The following LINGO2 variants were observed in gnomAD, a reference collection of about 807,000 sequenced individuals.
The protein encoded by LINGO2 is leucine rich repeat and Ig domain containing 2.
LINGO2 carries 14 observed loss-of-function variants against 30.6 expected under a neutral mutation model. The ratio of observed to expected loss-of-function variants is 0.46; its 90% CI spans 0.30 to 0.72. The LOEUF (loss-of-function observed/expected upper bound fraction) is 0.72. Ranked by LOEUF, LINGO2 falls within the 30% of genes least tolerant of loss-of-function variation. LINGO2 has a pLI of 0.07. For synonymous variants in LINGO2, 317 were observed against 288.5 expected (o/e 1.10, Z -1.00); for missense variants, 729 against 751.7 (o/e 0.97, Z 0.35).
At chr9:28,962,243 C>T in the LINGO2 span, among the ~76,000 whole-genome samples, 2 of 151,966 alleles carry the variant, frequency 1.3e-5, no homozygotes, top group Non-Finnish European at 2.9e-5. Context: ...TCAGTCAATC[C>T]TCATGATAAC....
At chr9:28,782,874 A>T in the LINGO2 span, among the ~76,000 whole-genome samples, 1 of 152,144 alleles carries the variant, frequency 6.6e-6, no homozygotes, top group South Asian at 2.1e-4. Context: ...ACTTACACAA[A>T]CCTAAGATGG....
rs1257504923 is a variant in LINGO2 at position 28,054,917 on chromosome 9, G to C, written c.-86-42512C>G. On this transcript the variant is annotated intron_variant, in intron 4 of 5. Transcript: ENST00000379992. ...CTACTTTCACATATTCCTGTTTTTT[G>C]TATGCCTCATACTACAAAGCTACAG... 3.3e-5 allele frequency among the ~76,000 whole-genome samples: 5 copies of C among 151,748 alleles called. 1 individual carries two copies. The highest frequency in any genetic ancestry group is 1.3e-4 in the Admixed American group (2 of 15,206).
intron 2 of LINGO2, among the ~76,000 whole-genome samples, chr9:28,435,500 T>A (rs1282591931): frequency 2.0e-5 from 3 of 152,188 alleles, no homozygotes; most frequent in African/African-American, 7.2e-5. Context: ...TCTAATGATC[T>A]CTGGACTGTG....
chr9:28,593,186 T>A (rs1165273066), intron 1 of LINGO2, among the ~76,000 whole-genome samples: 1 of 152,116 alleles, frequency 6.6e-6, no homozygotes, highest in Non-Finnish European at 1.5e-5. Context: ...TGCTCTTATA[T>A]TTCCTAGCAA....
At chr9:28,801,904 A>T in the LINGO2 span, among the ~76,000 whole-genome samples, 1 of 152,038 alleles carries the variant, frequency 6.6e-6, no homozygotes, top group Non-Finnish European at 1.5e-5. Context: ...TTTTATTTGT[A>T]AAAAATCTGG....
intron 1 of LINGO2, among the ~76,000 whole-genome samples, chr9:28,637,303 G>A (rs1020759631): frequency 7.9e-5 from 12 of 152,046 alleles, no homozygotes; most frequent in Non-Finnish European, 1.5e-4. Flanking sequence ...TTGGCGATGC[G>A]GGCTCTTTTT....
the LINGO2 span, among the ~76,000 whole-genome samples, chr9:29,000,448 T>C: frequency 1.5e-4 from 23 of 152,050 alleles, no homozygotes; most frequent in African/African-American, 4.8e-4. Flanking sequence ...ATATTTAAAA[T>C]ATCTTTTTGA....
At chr9:28,052,307 C>T (rs1367201338) in intron 4 of LINGO2, among the ~76,000 whole-genome samples, 1 of 152,076 alleles carries the variant, frequency 6.6e-6, no homozygotes, top group Non-Finnish European at 1.5e-5. Flanking sequence ...AGTGCTAACA[C>T]AGCAATTACA....
At chr9:28,848,363 T>TG in the LINGO2 span, among the ~76,000 whole-genome samples, 2 of 74,676 alleles carry the variant, frequency 2.7e-5, no homozygotes, top group Non-Finnish European at 5.1e-5. Context: ...TACACATATA[T>TG]TGTGTGTGTG....
At chr9:28,796,036 G>A in the LINGO2 span, among the ~76,000 whole-genome samples, 2 of 132,340 alleles carry the variant, frequency 1.5e-5, no homozygotes, top group Non-Finnish European at 1.6e-5. Flanking sequence ...AAAAAAACCT[G>A]TGTGGGAATA....
chr9:28,855,351 C>T, the LINGO2 span, among the ~76,000 whole-genome samples: 11 of 151,950 alleles, frequency 7.2e-5, no homozygotes, highest in Admixed American at 2.0e-4. Context: ...CTAGAACCTG[C>T]TGTAATGAAA....
intron 3 of LINGO2, among the ~76,000 whole-genome samples, chr9:28,355,486 A>T (rs1417812219): frequency 6.6e-6 from 1 of 151,008 alleles, no homozygotes; most frequent in Non-Finnish European, 1.5e-5. Context: ...GTATTCTGTA[A>T]CTAAATGTGT....
chr9:29,101,924 C>A, the LINGO2 span, among the ~76,000 whole-genome samples: 4 of 152,066 alleles, frequency 2.6e-5, no homozygotes, highest in Admixed American at 2.6e-4. Flanking sequence ...AGACCAGTAA[C>A]TTCCTGGATA....
At chr9:28,944,831 T>TA in the LINGO2 span, among the ~76,000 whole-genome samples, 2 of 152,074 alleles carry the variant, frequency 1.3e-5, no homozygotes, top group Admixed American at 6.6e-5. Flanking sequence ...AGCACACTGG[T>TA]AAAAAACAAG....
chr9:28,453,289 G>A (rs1279477983), intron 2 of LINGO2, among the ~76,000 whole-genome samples: 22 of 151,858 alleles, frequency 1.4e-4, no homozygotes, highest in Non-Finnish European at 1.3e-4. Context: ...ATAGTGAGGT[G>A]CACACAGTTC....
the LINGO2 span, among the ~76,000 whole-genome samples, chr9:28,720,548 T>C: frequency 6.6e-6 from 1 of 152,072 alleles, no homozygotes; most frequent in African/African-American, 2.4e-5. Context: ...GTAAAAAATT[T>C]CTGTCACTGA....
chr9:29,016,038 T>C, the LINGO2 span, among the ~76,000 whole-genome samples: 20 of 152,322 alleles, frequency 1.3e-4, no homozygotes, highest in Middle Eastern at 3.4e-3. Flanking sequence ...CTTAATATTG[T>C]GCCTTGCTCA....
chr9:28,566,842 T>A (rs1823408628), intron 1 of LINGO2, among the ~76,000 whole-genome samples: 1 of 152,210 alleles, frequency 6.6e-6, no homozygotes, highest in Non-Finnish European at 1.5e-5. Flanking sequence ...TGAAATGGTA[T>A]GCTTTCATCT....
chr9:27,938,388 A>G, the LINGO2 span: 1 of 152,106 alleles, frequency 6.6e-6, no homozygotes, highest in African/African-American at 2.4e-5. Flanking sequence ...AATTCTATAT[A>G]CCATTTCCTC....
Sources: allele counts gnomAD v4.1 joint callset (sites outside exome capture counted in the v4.1 genomes callset), GRCh38; gene constraint gnomAD v4.1.1; transcripts MANE v1.5; gene names NCBI Gene and HGNC (gene_info 2026-07-23, HGNC 2026-07-21).